The following CEP192 variants were observed in gnomAD, a reference collection of about 807,000 sequenced individuals.
The protein encoded by CEP192 is centrosomal protein 192.
A neutral mutation model predicts 271.8 loss-of-function variants in CEP192; 151 were observed. That is an observed-to-expected ratio of 0.56 (90% CI 0.49 to 0.64). CEP192 has a LOEUF of 0.64. Ranked by LOEUF, CEP192 falls within the 30% of genes least tolerant of loss-of-function variation. The pLI, the probability that CEP192 is intolerant of heterozygous loss-of-function variation, is 0.00. For missense variants in CEP192, 2,910 were observed against 3,020.5 expected (o/e 0.96, Z 0.86); for synonymous variants, 995 against 1,076.5 (o/e 0.92, Z 1.48).
chr18:13,002,688 A>G (rs959583359), intron 3 of CEP192, among the ~76,000 whole-genome samples: 1 of 152,222 alleles, frequency 6.6e-6, no homozygotes, highest in Non-Finnish European at 1.5e-5. Flanking sequence ...ACAGGTAAAA[A>G]TAATTTATAT....
chr18:13,123,117 T>G (rs1446719799), intron 44 of CEP192, among the ~76,000 whole-genome samples: 3 of 152,206 alleles, frequency 2.0e-5, no homozygotes, highest in African/African-American at 4.8e-5. Flanking sequence ...GAGATTTTTT[T>G]GGGGCTATTT....
rs773649603 is a variant in CEP192 at position 13,056,110 on chromosome 18, G to T, written c.3520G>T (p.Gly1174Cys). The change falls in exon 19 of 45, where the codon GGT becomes TGT. Residue 1174 changes from glycine to cysteine, a missense_variant. Physicochemically the swap from Gly to Cys is radical, Grantham distance 159 (BLOSUM62 -3). Transcript: ENST00000506447. ...PIRLALLGKS[G>C]LSCQVGSATS... ...CAGGCTGGCTCTCCTGGGCAAGTCA[G>T]GTCTGAGCTGTCAGGTGGGGTCAGC... 7.4e-6 allele frequency: 12 copies of T among 1,613,142 alleles called. No individual in the cohort carries two copies. Among genetic ancestry groups the T allele is most frequent in the Admixed American group, 1.7e-5 (1 of 59,956 alleles).
At chr18:13,105,450 C>T (rs12961429) in intron 40 of CEP192, among the ~76,000 whole-genome samples, 3,344 of 152,294 alleles carry the variant, frequency 0.022, 59 homozygotes, top group Non-Finnish European at 0.03. Flanking sequence ...ACAGATCCCT[C>T]CAGCTACTAT....
intron 31 of CEP192, 71 bp from the exon 32 acceptor site, chr18:13,087,460 A>G (rs1444649028): frequency 4.1e-6 from 4 of 982,700 alleles, no homozygotes; most frequent in African/African-American, 1.7e-5. Context: ...GGCTCGTAAG[A>G]TTGTTGAATC....
rs1335208323 is a variant in CEP192, at chr18:13,019,154, G to T, written c.998G>T (p.Gly333Val). 6.5e-7 allele frequency: 1 copy of T among 1,545,530 alleles called. No individual in the cohort carries two copies. Among genetic ancestry groups the T allele is most frequent in the East Asian group, 2.5e-5 (1 of 40,458 alleles). The part of the protein sequence containing the change: ...GMLPFSSGTW[G>V]TEKEIENLKG... Reference sequence around the variant, plus strand: ...TTACCATTTTCCTCTGGTACTTGGGGAACTGAGAAAGAAATAGAAAATTTG... The same window carrying T: ...TTACCATTTTCCTCTGGTACTTGGGTAACTGAGAAAGAAATAGAAAATTTG... The change falls in exon 9 of 45, where the codon GGA (glycine) becomes GTA (valine). Residue 333 changes from glycine (G) to valine (V), a missense_variant. Physicochemically the swap from Gly to Val is moderately radical, Grantham distance 109. Coordinates refer to ENST00000506447, the MANE Select transcript of CEP192 (RefSeq NM_032142.4).
chr18:13,059,443 G>T (rs999632648), intron 21 of CEP192, 131 bp downstream of exon 21: 3 of 651,608 alleles, frequency 4.6e-6, no homozygotes, highest in South Asian at 2.1e-5. Flanking sequence ...GCTGAACTTT[G>T]GTTCTTAATA....
At chr18:12,992,412 G>A (rs1230474020) in intron 1 of CEP192, among the ~76,000 whole-genome samples, 1 of 152,134 alleles carries the variant, frequency 6.6e-6, no homozygotes, top group Non-Finnish European at 1.5e-5. Context: ...ATAGACCTAC[G>A]ATTAATGACT....
At chr18:13,071,300 T>C in intron 28 of CEP192, 88 bp downstream of exon 28, 1 of 1,119,874 alleles carries the variant, frequency 8.9e-7, no homozygotes, top group Non-Finnish European at 1.3e-6. Context: ...AATTTTGTCA[T>C]AATAGACACT....
chr18:13,122,149 C>T (rs575164180), intron 44 of CEP192, among the ~76,000 whole-genome samples: 1 of 152,266 alleles, frequency 6.6e-6, no homozygotes, highest in East Asian at 1.9e-4. Flanking sequence ...GCAGGCCAGG[C>T]GCGGTGGCTC....
Position 13,049,289 on chromosome 18 carries a change from G to A in CEP192, c.2498G>A (p.Ser833Asn), listed in dbSNP as rs140390176. 5.5e-5 allele frequency: 89 copies of A among 1,614,148 alleles called. No homozygotes were observed. The African/African-American group carries it at 1.1e-3, about 21-fold the overall frequency. The change falls in exon 16 of 45, where the codon AGT (serine) becomes AAT (asparagine). Residue 833 changes from serine (S) to asparagine (N), a missense_variant. Coordinates refer to ENST00000506447, the MANE Select transcript of CEP192 (RefSeq NM_032142.4). The stretch of plus-strand genomic sequence containing the variant: ...GTGGACTTAAGTGCTACTAGTGTAA[G>A]TGTGAGGGCACCAGAAGAAAACACA... ...HPVDLSATSV[S>N]VRAPEENTAA... is the part of the protein sequence containing the mutation.
rs2036409615 is a variant in CEP192 at position 13,071,023 on chromosome 18, ATTCT to A, written c.5175-6_5175-3del. 6.2e-7 allele frequency: 1 copy of A among 1,607,048 alleles called. No individual in the cohort carries two copies. The highest frequency in any genetic ancestry group is 8.5e-7 in the Non-Finnish European group (1 of 1,175,346). On this transcript the variant is annotated splice_polypyrimidine_tract_variant and intron_variant, in intron 27 of 44. Coordinates refer to ENST00000506447, the MANE Select transcript of CEP192 (RefSeq NM_032142.4). ...TTGAATACAGGACCTTCAACTTAGA[ATTCT>A]TTCTTTCTTAGGATCTTGAAAATAT...
At chr18:13,021,428 A>G (rs1322558313) in intron 9 of CEP192, among the ~76,000 whole-genome samples, 1 of 152,158 alleles carries the variant, frequency 6.6e-6, no homozygotes, top group East Asian at 1.9e-4. Context: ...TTTATCATGT[A>G]TGTGAGGGTT....
intron 9 of CEP192, among the ~76,000 whole-genome samples, chr18:13,027,800 G>A (rs1217948167): frequency 2.0e-5 from 3 of 151,760 alleles, no homozygotes; most frequent in South Asian, 4.2e-4. Flanking sequence ...ATCTTTGCAA[G>A]TGTTGTATAT....
intron 1 of CEP192, among the ~76,000 whole-genome samples, chr18:12,998,591 A>G (rs1225407766): frequency 6.6e-6 from 1 of 152,200 alleles, no homozygotes; most frequent in Non-Finnish European, 1.5e-5. Flanking sequence ...GCTCATGTTT[A>G]TCATCCTAAA....
rs145882474 is a variant in CEP192, at chr18:13,121,805, T to A, written c.7476-2827T>A. Among the ~76,000 whole-genome samples, 88 of 152,346 alleles carry A rather than the reference T, an allele frequency of 5.8e-4. 1 individual carries two copies. The East Asian group carries it at 0.016, about 28-fold the overall frequency. On this transcript the variant is annotated intron_variant, in intron 44 of 44. Transcript: ENST00000506447. ...GTGCACAATCCTGGCAGACCCTGCA[T>A]GTCATTTGGGAGAGAAGGACAGTTC...
intron 12 of CEP192, among the ~76,000 whole-genome samples, 198 bp downstream of exon 12, chr18:13,037,499 A>G (rs1262070902): frequency 3.9e-5 from 6 of 152,256 alleles, no homozygotes; most frequent in Non-Finnish European, 8.8e-5. Flanking sequence ...TCATTGACAT[A>G]CTGAAATATA....
intron 30 of CEP192, among the ~76,000 whole-genome samples, chr18:13,084,836 CAG>C (rs756772212): frequency 2.7e-5 from 4 of 150,726 alleles, no homozygotes; most frequent in Admixed American, 1.3e-4. Flanking sequence ...TTTTTTGAGA[CAG>C]AGTCTTCCTC....
chr18:13,026,183 CT>C (rs1233292452), intron 9 of CEP192, among the ~76,000 whole-genome samples: 2 of 152,172 alleles, frequency 1.3e-5, no homozygotes, highest in Non-Finnish European at 2.9e-5. Context: ...GTTTACTTCA[CT>C]GCCTTCTTGC....
At chr18:13,075,109 G>A (rs1233426647) in intron 30 of CEP192, among the ~76,000 whole-genome samples, 2 of 152,208 alleles carry the variant, frequency 1.3e-5, no homozygotes, top group Non-Finnish European at 2.9e-5. Flanking sequence ...CCCTTTGGGA[G>A]GTGTTTAGGT....
Sources: allele counts gnomAD v4.1 joint callset (sites outside exome capture counted in the v4.1 genomes callset), GRCh38; gene constraint gnomAD v4.1.1; transcripts MANE v1.5; gene names NCBI Gene and HGNC (gene_info 2026-07-23, HGNC 2026-07-21).